Variants in PAPPA observed in about 807,000 individuals in gnomAD.
PAPPA encodes the protein pappalysin 1.
Under a neutral mutation model 164.0 loss-of-function variants are expected in PAPPA, and 60 were observed. That is an observed-to-expected ratio of 0.37 (90% CI 0.30 to 0.45). PAPPA has a LOEUF of 0.45. PAPPA is among the 20% of genes least tolerant of loss of function. PAPPA has a pLI of 1.00. For missense variants in PAPPA, 1,782 were observed against 2,087.3 expected (o/e 0.85, Z 2.85); for synonymous variants, 875 against 814.1 (o/e 1.07, Z -1.27).
At position 116,219,261 on chromosome 9, in the gene PAPPA, C is replaced by T. The variant is rs374708785; in HGVS notation, c.1919-676C>T. ...ACAGACTTTAGTAGCCTTGTAACAA[C>T]CTTGACTCATACACTGGACTGGTCT... On this transcript the variant is annotated intron_variant, in intron 4 of 21. Transcript: ENST00000328252. 5.3e-5 allele frequency among the ~76,000 whole-genome samples: 8 copies of T among 152,224 alleles called. No homozygotes were observed. In the East Asian group the frequency reaches 1.3e-3, roughly 26 times the overall value.
chr9:116,174,970 TAGAATTTATTTTACCAC>T (rs1443986546), intron 1 of PAPPA, among the ~76,000 whole-genome samples: 6 of 152,140 alleles, frequency 3.9e-5, no homozygotes, highest in African/African-American at 1.4e-4. Context: ...AGAAAACTGG[TAGAATTTATTTTACCAC>T]AGTCATCTTC....
At chr9:116,198,901 T>C (rs1844137518) in intron 2 of PAPPA, among the ~76,000 whole-genome samples, 1 of 152,186 alleles carries the variant, frequency 6.6e-6, no homozygotes, top group African/African-American at 2.4e-5. Flanking sequence ...ATGAGGGACC[T>C]CATACATGGT....
At chr9:116,281,150 T>A (rs964341148) in intron 9 of PAPPA, among the ~76,000 whole-genome samples, 7 of 152,324 alleles carry the variant, frequency 4.6e-5, no homozygotes, top group African/African-American at 1.7e-4. Context: ...GCATAGGTCA[T>A]ATGCAAATAC....
At chr9:116,360,235 A>C (rs1401056426) in intron 17 of PAPPA, among the ~76,000 whole-genome samples, 1 of 152,168 alleles carries the variant, frequency 6.6e-6, no homozygotes, top group Non-Finnish European at 1.5e-5. Context: ...GCCCAGGAGA[A>C]TCATGGGGCC....
At chr9:116,273,297 A>C (rs963100497) in intron 9 of PAPPA, among the ~76,000 whole-genome samples, 3 of 152,210 alleles carry the variant, frequency 2.0e-5, no homozygotes, top group Non-Finnish European at 2.9e-5. Context: ...AGGGGTCTGC[A>C]AACTATGGTC....
At chr9:116,362,014 T>C (rs1588020548) in intron 17 of PAPPA, among the ~76,000 whole-genome samples, 1 of 152,090 alleles carries the variant, frequency 6.6e-6, no homozygotes, top group African/African-American at 2.4e-5. Flanking sequence ...GCCATTATTG[T>C]TGGAATGGAA....
Position 116,155,959 on chromosome 9 carries a change from C to A in PAPPA, c.415+1372C>A, listed in dbSNP as rs539332028. On this transcript the variant is annotated intron_variant, in intron 1 of 21. Coordinates refer to ENST00000328252, the MANE Select transcript of PAPPA (RefSeq NM_002581.5). ...ACTGAACTCATTCACTTTTAACTCG[C>A]AAGCCCTATTTGCCCAGAGGAGGGT... Among the ~76,000 whole-genome samples the A allele has an allele frequency of 2.5e-4, 38 of 152,052 alleles. No individual in the cohort carries two copies. The South Asian group carries it at 2.9e-3, about 12-fold the overall frequency.
intron 12 of PAPPA, among the ~76,000 whole-genome samples, chr9:116,334,642 G>C (rs539251811): frequency 1.1e-4 from 17 of 152,114 alleles, no homozygotes; most frequent in African/African-American, 4.1e-4. Flanking sequence ...GGAAGCTTAG[G>C]GGGCAGGGAG....
chr9:116,198,744 A>G (rs1844135843), intron 2 of PAPPA, among the ~76,000 whole-genome samples: 1 of 152,192 alleles, frequency 6.6e-6, no homozygotes, highest in South Asian at 2.1e-4. Flanking sequence ...TGTCCTAACA[A>G]TCTCTAAAAT....
chr9:116,270,682 T>C (rs1486210454), intron 8 of PAPPA, among the ~76,000 whole-genome samples: 1 of 152,166 alleles, frequency 6.6e-6, no homozygotes, highest in Non-Finnish European at 1.5e-5. Flanking sequence ...TGCAAAATCA[T>C]CCTTAGGTGG....
chr9:116,382,513 T>C lies in PAPPA; in HGVS notation c.4776+20T>C. 1 of 1,475,846 alleles carries C rather than the reference T, an allele frequency of 6.8e-7. No homozygotes were observed. The highest frequency in any genetic ancestry group is 9.5e-7 in the Non-Finnish European group (1 of 1,053,638). The allele number at this position is 1,475,846 out of a possible 1,614,324, so 91.4% of individuals were successfully genotyped here. ...AAAAAGGTAGGCCAGTGTGCACTCC[T>C]CGGCAGCTGCCTCCTGCCCACTTCT... is the stretch of plus-strand genomic sequence containing the variant. On this transcript the variant is annotated intron_variant, in intron 21 of 21. Coordinates refer to ENST00000328252, the MANE Select transcript of PAPPA (RefSeq NM_002581.5).
intron 5 of PAPPA, among the ~76,000 whole-genome samples, chr9:116,222,444 T>C (rs1357085989): frequency 6.6e-6 from 1 of 152,194 alleles, no homozygotes; most frequent in Non-Finnish European, 1.5e-5. Flanking sequence ...GATAGGTTTA[T>C]TGGGTGAGTC....
intron 1 of PAPPA, among the ~76,000 whole-genome samples, chr9:116,170,569 CATCT>C (rs1446183419): frequency 6.6e-6 from 1 of 151,802 alleles, no homozygotes; most frequent in Non-Finnish European, 1.5e-5. Flanking sequence ...ATCCATTACC[CATCT>C]ATTAACTCTC....
At chr9:116,319,887 A>G (rs1279608334) in intron 10 of PAPPA, among the ~76,000 whole-genome samples, 1 of 152,216 alleles carries the variant, frequency 6.6e-6, no homozygotes, top group African/African-American at 2.4e-5. Flanking sequence ...GCTGGACAGT[A>G]AATGATGGCA....
At chr9:116,385,510 G>A (rs754607587) in intron 21 of PAPPA, among the ~76,000 whole-genome samples, 2 of 151,980 alleles carry the variant, frequency 1.3e-5, no homozygotes, top group African/African-American at 2.4e-5. Flanking sequence ...CACCATTTTG[G>A]CTCTCTGTTC....
chr9:116,281,808 C>T (rs991571923), intron 9 of PAPPA, among the ~76,000 whole-genome samples: 1 of 152,196 alleles, frequency 6.6e-6, no homozygotes, highest in Non-Finnish European at 1.5e-5. Context: ...TTCCTGAGTG[C>T]TGCATCTTAT....
chr9:116,297,563 T>C (rs1845524835), intron 9 of PAPPA, among the ~76,000 whole-genome samples: 1 of 152,254 alleles, frequency 6.6e-6, no homozygotes, highest in African/African-American at 2.4e-5. Flanking sequence ...CTAATTCAGC[T>C]AAGTTAATTA....
At chr9:116,185,394 A>G (rs753621776) in intron 1 of PAPPA, among the ~76,000 whole-genome samples, 48 of 152,138 alleles carry the variant, frequency 3.2e-4, no homozygotes, top group Non-Finnish European at 6.6e-4. Context: ...ATTTACACCA[A>G]TTCTAAGCTC....
At position 116,367,626 on chromosome 9, in the gene PAPPA, C is replaced by T; in HGVS notation, c.4496-19C>T. 5 of 1,589,310 alleles carry T rather than the reference C, an allele frequency of 3.1e-6. No homozygotes were observed. The highest frequency in any genetic ancestry group is 4.3e-6 in the Non-Finnish European group (5 of 1,158,532). ...AGGGTCTCGGGCCTGAGCTGCGCCT[C>T]ATGCTGTACTTCCCTCAGGGTCGGA... On this transcript the variant is annotated intron_variant, in intron 18 of 21. Transcript: ENST00000328252.
Sources: allele counts gnomAD v4.1 joint callset (sites outside exome capture counted in the v4.1 genomes callset), GRCh38; gene constraint gnomAD v4.1.1; transcripts MANE v1.5; gene names NCBI Gene and HGNC (gene_info 2026-07-23, HGNC 2026-07-21).